Variants in CTNNA2 observed in about 807,000 individuals in gnomAD.
CTNNA2 encodes the protein catenin alpha 2.
In CTNNA2, 42 loss-of-function variants were observed where a neutral mutation model predicts 101.0. That is an observed-to-expected ratio of 0.42 (90% CI 0.32 to 0.54). The LOEUF (loss-of-function observed/expected upper bound fraction) is 0.54. CTNNA2 is among the 20% of genes least tolerant of loss of function. CTNNA2 has a pLI of 0.14. For synonymous variants in CTNNA2, 450 were observed against 456.4 expected (o/e 0.99, Z 0.18); for missense variants, 871 against 1,223.1 (o/e 0.71, Z 4.29).
chr2:79,895,229 A>G (rs1206606101), intron 6 of CTNNA2, among the ~76,000 whole-genome samples: 1 of 152,272 alleles, frequency 6.6e-6, no homozygotes, highest in Non-Finnish European at 1.5e-5. Flanking sequence ...TTGAGAAGCA[A>G]TTAACATATC....
intron 2 of CTNNA2, among the ~76,000 whole-genome samples, chr2:79,658,750 T>C (rs1245980344): frequency 1.3e-5 from 2 of 151,966 alleles, no homozygotes; most frequent in Admixed American, 6.6e-5. Context: ...AAGAATATCA[T>C]TGATGTTTAA....
intron 7 of CTNNA2, among the ~76,000 whole-genome samples, chr2:80,347,937 T>G (rs1249915793): frequency 6.6e-6 from 1 of 151,790 alleles, no homozygotes; most frequent in Non-Finnish European, 1.5e-5. Flanking sequence ...AAATACTGAT[T>G]GACACCTGGG....
chr2:79,657,197 G>T (rs1237728031), intron 2 of CTNNA2, among the ~76,000 whole-genome samples: 1 of 151,666 alleles, frequency 6.6e-6, no homozygotes, highest in Non-Finnish European at 1.5e-5. Flanking sequence ...ACCCCTTGAG[G>T]CACAAATTAT....
In CTNNA2 at chr2:80,521,123, C is replaced by T. The variant is rs189481536; in HGVS notation, c.1291-23859C>T. 3.9e-5 allele frequency among the ~76,000 whole-genome samples: 6 copies of T among 152,276 alleles called. No homozygotes were observed. The East Asian group carries it at 7.7e-4, about 20-fold the overall frequency. Reference sequence around the variant, plus strand: ...CCTGACAGCCCTTGTGCTGGGGCCGCGTCCCTGTGTAGTGAGCAAAGATGT... The same window carrying T: ...CCTGACAGCCCTTGTGCTGGGGCCGTGTCCCTGTGTAGTGAGCAAAGATGT... On this transcript the variant is annotated intron_variant, in intron 9 of 18. Transcript: ENST00000402739.
chr2:80,332,889 T>A (rs546186166), intron 7 of CTNNA2, among the ~76,000 whole-genome samples: 1 of 152,318 alleles, frequency 6.6e-6, no homozygotes, highest in South Asian at 2.1e-4. Context: ...TTATAGGGCC[T>A]GCAAGATAAG....
intron 7 of CTNNA2, among the ~76,000 whole-genome samples, chr2:80,294,687 C>G (rs1289223785): frequency 6.6e-6 from 1 of 152,046 alleles, no homozygotes; most frequent in Admixed American, 6.6e-5. Context: ...AGGCCACACC[C>G]CAGACCAGTT....
chr2:79,980,886 G>A (rs931504407), intron 7 of CTNNA2, among the ~76,000 whole-genome samples: 2 of 151,822 alleles, frequency 1.3e-5, no homozygotes, highest in South Asian at 2.1e-4. Context: ...TTTGCTCATC[G>A]TTTACAAATC....
intron 1 of CTNNA2, among the ~76,000 whole-genome samples, chr2:79,590,088 T>C (rs1676749919): frequency 6.6e-6 from 1 of 152,176 alleles, no homozygotes; most frequent in African/African-American, 2.4e-5. Flanking sequence ...GTTTTTCTTT[T>C]AAGTTTAACC....
chr2:79,910,975 A>G (rs995452517), intron 7 of CTNNA2, among the ~76,000 whole-genome samples: 10 of 152,224 alleles, frequency 6.6e-5, no homozygotes, highest in African/African-American at 2.4e-4. Context: ...TTTCCTTTCC[A>G]TGAACCTTCA....
At chr2:80,455,910 G>A (rs1444550370) in intron 9 of CTNNA2, among the ~76,000 whole-genome samples, 1 of 152,182 alleles carries the variant, frequency 6.6e-6, no homozygotes, top group African/African-American at 2.4e-5. Flanking sequence ...CTGAGACACA[G>A]AGTGGTTATG....
rs576512950 is a variant in CTNNA2, at chr2:80,339,962, A to C, written c.1057-53249A>C. Among the ~76,000 whole-genome samples the C allele has an allele frequency of 3.9e-4, 59 of 152,316 alleles. No homozygotes were observed. In the South Asian group the frequency reaches 0.012, roughly 32 times the overall value. ...AAGAATGACGCCTTTACATTGGAAC[A>C]CCACCAAGTTATTAACGTAGCTTTC... is the stretch of plus-strand genomic sequence containing the variant. On this transcript the variant is annotated intron_variant, in intron 7 of 18. Coordinates refer to ENST00000402739, the MANE Select transcript of CTNNA2 (RefSeq NM_001282597.3).
chr2:79,219,348 A>G (rs1674310949), intron 2 of CTNNA2, among the ~76,000 whole-genome samples: 1 of 152,214 alleles, frequency 6.6e-6, no homozygotes, highest in African/African-American at 2.4e-5. Flanking sequence ...AACTTTGTGA[A>G]AATGGAAATG....
intron 7 of CTNNA2, among the ~76,000 whole-genome samples, chr2:80,297,719 G>A (rs1675869718): frequency 6.6e-6 from 1 of 152,016 alleles, no homozygotes; most frequent in African/African-American, 2.4e-5. Context: ...CCATTTGCTG[G>A]CTCTTCCCAC....
In CTNNA2 at chr2:80,303,990, G is replaced by A. The variant is rs1676650265; in HGVS notation, c.1057-89221G>A. 3 of 697,516 alleles carry A rather than the reference G, an allele frequency of 4.3e-6. No individual in the cohort carries two copies. The highest frequency in any genetic ancestry group is 4.4e-6 in the Non-Finnish European group (2 of 449,700). The allele number at this position is 697,516 out of a possible 1,614,324, so 43.2% of individuals were successfully genotyped here. A position where few individuals can be genotyped will look rare whatever the true frequency, so the allele number is the denominator to read the frequency against. ...GGACCCCCCTCCCCAAAAACCACACGTTCACCTCTAAGCATGCAGAAAGCT... is the reference window on the plus strand; with the variant it reads ...GGACCCCCCTCCCCAAAAACCACACATTCACCTCTAAGCATGCAGAAAGCT... On this transcript the variant is annotated intron_variant, in intron 7 of 18. Transcript: ENST00000402739. The surrounding 1 kb of genome is among the most constrained non-coding windows in gnomAD (Gnocchi z 7.7).
chr2:79,443,903 ACTCTCTCTCT>A lies in CTNNA2; in HGVS notation c.-134-61122_-134-61113del, dbSNP rs3979544. The stretch of plus-strand genomic sequence containing the variant: ...AAGCTTTTATCTTATTTGTATACAT[ACTCTCTCTCT>A]CTCTCTCTCTCTCTCTCTCTCTCTC... On this transcript the variant is annotated intron_variant, in intron 4 of 21. Coordinates refer to the CTNNA2 transcript ENST00000466387. Among the ~76,000 whole-genome samples, 86 of 141,894 alleles carry A rather than the reference ACTCTCTCTCT, an allele frequency of 6.1e-4. 2 individuals are homozygous for A. The highest frequency in any genetic ancestry group is 1.3e-3 in the African/African-American group (49 of 38,610). 93.1% of individuals were successfully genotyped at this position (141,894 alleles called of 152,430 possible).
chr2:80,461,009 CTTT>C (rs1436385507), intron 9 of CTNNA2, among the ~76,000 whole-genome samples: 1 of 152,172 alleles, frequency 6.6e-6, no homozygotes, highest in African/African-American at 2.4e-5. Context: ...CTAACCGCTT[CTTT>C]TAGATAGCTA....
chr2:79,217,138 G>C (rs1309700518), intron 2 of CTNNA2, among the ~76,000 whole-genome samples: 1 of 152,190 alleles, frequency 6.6e-6, no homozygotes. Context: ...GGTTGGAGAA[G>C]AGAGTAAGAA....
intron 1 of CTNNA2, chr2:79,634,768 A>C (rs933651081): frequency 3.9e-5 from 6 of 152,332 alleles, no homozygotes; most frequent in African/African-American, 1.4e-4. Flanking sequence ...AAGGCTTAGA[A>C]GGAATGACAC....
At chr2:80,247,925 T>C (rs1165971445) in intron 7 of CTNNA2, among the ~76,000 whole-genome samples, 1 of 152,180 alleles carries the variant, frequency 6.6e-6, no homozygotes. Context: ...GTCTGCAGGT[T>C]ATTGAAATCT....
Sources: gnomAD v4.1 joint callset for allele counts (sites outside exome capture counted in the v4.1 genomes callset) on GRCh38, gnomAD v4.1.1 for gene constraint, Gnocchi (gnomAD v3.1) non-coding constraint, MANE v1.5 for transcripts, NCBI Gene and HGNC (gene_info 2026-07-23, HGNC 2026-07-21) for gene names.